FLII: variants seen among roughly 807,000 people sequenced by gnomAD.
The protein encoded by FLII is FLII actin remodeling protein, also known as protein flightless-1 homolog.
In FLII, 101 loss-of-function variants were observed where a neutral mutation model predicts 156.2. That is an observed-to-expected ratio of 0.65 (90% CI 0.55 to 0.76). The LOEUF is 0.76. Ranked by LOEUF, FLII falls within the 30% of genes least tolerant of loss-of-function variation. FLII has a pLI of 0.00. For synonymous variants in FLII, 767 were observed against 685.8 expected, an observed-to-expected ratio of 1.12 and a Z score of -1.85; for missense variants, 1,675 against 1,682.8, an observed-to-expected ratio of 1.00 and a Z score of 0.08.
chr17:18,252,574 G>GACAGGGCCAT lies in FLII; in HGVS notation c.1014-19_1014-18insATGGCCCTGT. The GACAGGGCCAT allele has an allele frequency of 6.2e-7, 1 of 1,606,582 alleles. No individual in the cohort carries two copies. Among genetic ancestry groups the GACAGGGCCAT allele is most frequent in the Non-Finnish European group, 8.5e-7 (1 of 1,173,770 alleles). On this transcript the variant is annotated intron_variant, in intron 9 of 29. Transcript: ENST00000327031. ...TTGGGCACCTGTGAAGACAGGGCCA[G>GACAGGGCCAT]CCAGGGCCTCAGGCAGGTGACAGAC...
chr17:18,251,462 G>A lies in FLII; in HGVS notation c.1399C>T (p.Arg467Trp), dbSNP rs767337540. Residue 467 changes from arginine to tryptophan, a missense_variant, in exon 13 of 30, where the codon CGG becomes TGG. Physicochemically the swap from Arg to Trp is moderately radical, Grantham distance 101 (BLOSUM62 -3). Transcript: ENST00000327031. ...CGCCGCACCTTCCCGCTGGGGGCCC[G>A]GGCATCTGCGCTCTCCTGGGGGCAG... is the stretch of plus-strand genomic sequence containing the variant. Reference protein sequence around the residue: ...NKKQEESADARAPSGKVRRWD... With the variant: ...NKKQEESADAWAPSGKVRRWD... 21 of 1,606,440 alleles carry A rather than the reference G, an allele frequency of 1.3e-5. No homozygotes were observed. Among genetic ancestry groups the A allele is most frequent in the Admixed American group, 5.0e-5 (3 of 59,832 alleles).
In FLII at chr17:18,246,895, G is replaced by A. The variant is rs1428161662; in HGVS notation, c.2816+18C>T. The A allele has an allele frequency of 1.2e-6, 2 of 1,614,038 alleles. No individual in the cohort carries two copies. The highest frequency in any genetic ancestry group is 2.2e-5 in the East Asian group (1 of 44,890). ...GCACCAGGGGAGGGACTTGGGGAAG[G>A]GAGTGCTGAGGTGGTACCTGCAGAG... On this transcript the variant is annotated intron_variant, in intron 22 of 29. Transcript: ENST00000327031.
Position 18,249,155 on chromosome 17 carries a change from G to A in FLII, c.1906C>T (p.Pro636Ser), listed in dbSNP as rs143959528. Residue 636 changes from proline (P) to serine (S), a missense_variant, in exon 16 of 30, where the codon CCC (proline) becomes TCC (serine). Physicochemically the swap from Pro to Ser is moderately conservative, Grantham distance 74 (BLOSUM62 -1). Coordinates refer to ENST00000327031, the MANE Select transcript of FLII (RefSeq NM_002018.4). ...GGGTCCAGAGAGGTCCCCTTGAGGG[G>A]CACAGGCTCCAACTTGATGTTCTTT... is the stretch of plus-strand genomic sequence containing the variant. Reference protein sequence around the residue: ...GKKNIKLEPVPLKGTSLDPRF... With the variant: ...GKKNIKLEPVSLKGTSLDPRF... The A allele has an allele frequency of 1.4e-5, 23 of 1,614,110 alleles. No individual in the cohort carries two copies. Among genetic ancestry groups the A allele is most frequent in the East Asian group, 6.7e-5 (3 of 44,880 alleles).
chr17:18,254,704 C>T, intron 5 of FLII, 22 bp from the exon 6 acceptor site: 1 of 1,613,656 alleles, frequency 6.2e-7, no homozygotes, highest in Non-Finnish European at 8.5e-7. Context: ...GAGCAGGAGC[C>T]ACCTGAGTCA....
Position 18,255,051 on chromosome 17 carries a change from G to A in FLII, c.327+132C>T, listed in dbSNP as rs1056679114. Reference sequence around the variant, plus strand: ...TGACTCCAAAAGTGACCTCAGGCAAGGTATTATCCACTCCAAGACTCAGTT... The same window carrying A: ...TGACTCCAAAAGTGACCTCAGGCAAAGTATTATCCACTCCAAGACTCAGTT... On this transcript the variant is annotated intron_variant, in intron 4 of 29. Transcript: ENST00000327031. 4 of 922,664 alleles carry A rather than the reference G, an allele frequency of 4.3e-6. No individual in the cohort carries two copies. The Admixed American group carries it at 6.8e-5, about 16-fold the overall frequency. 57.2% of individuals were successfully genotyped at this position (922,664 alleles called of 1,614,324 possible). A position where few individuals can be genotyped will look rare whatever the true frequency, so the allele number is the denominator to read the frequency against.
At chr17:18,247,580 G>T (rs1032531605) in intron 20 of FLII, 77 bp downstream of exon 20, 11 of 1,332,580 alleles carry the variant, frequency 8.3e-6, no homozygotes, top group Non-Finnish European at 1.1e-5. Context: ...CTGTAGGGAG[G>T]TAGTGAAGCC....
rs766743924 is a variant in FLII at position 18,246,551 on chromosome 17, AC to A, written c.3051+42del. The stretch of plus-strand genomic sequence containing the variant: ...CTTCGCTGGGTCTGAGCCCCACCAC[AC>A]CCCTCCGCCTGGCCTCGGGCTCGCG... On this transcript the variant is annotated intron_variant, in intron 23 of 29. Coordinates refer to ENST00000327031, the MANE Select transcript of FLII (RefSeq NM_002018.4). 3.1e-6 allele frequency: 5 copies of A among 1,611,156 alleles called. No individual in the cohort carries two copies. In the South Asian group the frequency reaches 5.5e-5, roughly 18 times the overall value.
Position 18,248,603 on chromosome 17 carries a change from T to C in FLII, c.2137A>G (p.Ile713Val), listed in dbSNP as rs1353546609. ...AAGTCTTCAGGCACGTGCTTCTTGA[T>C]CTCAGAGGGCTCCCCACCCAGTGCC... is the stretch of plus-strand genomic sequence containing the variant. ...WEALGGEPSE[I>V]KKHVPEDFWP... Residue 713 changes from isoleucine to valine, a missense_variant, in exon 18 of 30, where the codon ATC becomes GTC. Coordinates refer to ENST00000327031, the MANE Select transcript of FLII (RefSeq NM_002018.4). 3 of 1,613,628 alleles carry C rather than the reference T, an allele frequency of 1.9e-6. No individual in the cohort carries two copies. Among genetic ancestry groups the C allele is most frequent in the South Asian group, 1.1e-5 (1 of 91,064 alleles).
rs777141885 is a variant in FLII, at chr17:18,245,378, G to C, written c.3651C>G (p.Ile1217Met). ...WVGTQTSQVE[I>M]KLSLKACQVY... is the part of the protein sequence containing the mutation. ...CCTGGCAGGCCTTCAGGCTCAGCTTGATCTCCACCTGGCTAGTCTGGGTCC... is the reference window on the plus strand; with the variant it reads ...CCTGGCAGGCCTTCAGGCTCAGCTTCATCTCCACCTGGCTAGTCTGGGTCC... Residue 1217 changes from isoleucine to methionine, a missense_variant, in exon 29 of 30, where the codon ATC (isoleucine) becomes ATG (methionine). Transcript: ENST00000327031. The C allele has an allele frequency of 1.2e-6, 2 of 1,614,194 alleles. No homozygotes were observed. Among genetic ancestry groups the C allele is most frequent in the Non-Finnish European group, 1.7e-6 (2 of 1,180,038 alleles).
chr17:18,250,484 AGGTTTTGGCCCT>A (rs2048225698), intron 14 of FLII, among the ~76,000 whole-genome samples: 1 of 152,014 alleles, frequency 6.6e-6, no homozygotes. Flanking sequence ...TCCTAATAAC[AGGTTTTGGCCCT>A]GCCTTCTCAC....
Position 18,246,336 on chromosome 17 carries a change from G to A in FLII, c.3178C>T (p.Arg1060Cys), listed in dbSNP as rs375498127. 2.0e-5 allele frequency: 33 copies of A among 1,613,688 alleles called. No homozygotes were observed. The highest frequency in any genetic ancestry group is 5.0e-5 in the Admixed American group (3 of 60,014). The change falls in exon 24 of 30, where the codon CGC becomes TGC. Residue 1060 changes from arginine to cysteine, a missense_variant. Around this residue, in one of 2 missense-constraint regions of FLII, gnomAD observed 1,332 missense variants for 1,269.3 expected, o/e 1.05. Transcript: ENST00000327031. ...GTGCAGAGGGCGCTGCCGTTGGTGCGGATCTGGTAGAGGCTGGGCTGTTGG... is the reference window on the plus strand; with the variant it reads ...GTGCAGAGGGCGCTGCCGTTGGTGCAGATCTGGTAGAGGCTGGGCTGTTGG... ...GAQQPSLYQI[R>C]TNGSALCTRC...
In FLII at chr17:18,245,288, C is replaced by A; in HGVS notation, c.3676-16G>T. 1 of 1,612,232 alleles carries A rather than the reference C, an allele frequency of 6.2e-7. No individual in the cohort carries two copies. Among genetic ancestry groups the A allele is most frequent in the Non-Finnish European group, 8.5e-7 (1 of 1,178,484 alleles). ...GGATATATACCTGGCAAGGGGACAG[C>A]GAGCCTTGGGTGATGACCCTGCCCT... On this transcript the variant is annotated splice_polypyrimidine_tract_variant and intron_variant, in intron 29 of 29. Coordinates refer to ENST00000327031, the MANE Select transcript of FLII (RefSeq NM_002018.4).
rs749586303 is a variant in FLII, at chr17:18,254,697, C to G, written c.414-15G>C. The G allele has an allele frequency of 3.7e-6, 6 of 1,613,600 alleles. No homozygotes were observed. Among genetic ancestry groups the G allele is most frequent in the Non-Finnish European group, 4.2e-6 (5 of 1,179,694 alleles). On this transcript the variant is annotated splice_polypyrimidine_tract_variant and intron_variant, in intron 5 of 29. Coordinates refer to ENST00000327031, the MANE Select transcript of FLII (RefSeq NM_002018.4). ...TGGTGTCGATGCTACGGGTGGGGAG[C>G]AGGAGCCACCTGAGTCAGCACCAGC... is the stretch of plus-strand genomic sequence containing the variant.
chr17:18,258,331 C>G lies in FLII; in HGVS notation c.63+297G>C. The G allele has an allele frequency of 1.6e-6, 1 of 623,850 alleles. No individual in the cohort carries two copies. 38.6% of individuals were successfully genotyped at this position (623,850 alleles called of 1,614,324 possible). ...GGAGGCTCGCCCGATCCCCAGGCCA[C>G]CATCCAGCCTAGACCGAGAACACGG... On this transcript the variant is annotated intron_variant, in intron 1 of 29. Transcript: ENST00000327031. The surrounding 1 kb of genome is among the most constrained non-coding windows in gnomAD (Gnocchi z 4.2).
intron 24 of FLII, 36 bp downstream of exon 24, chr17:18,246,272 G>C: frequency 6.2e-7 from 1 of 1,614,100 alleles, no homozygotes; most frequent in Non-Finnish European, 8.5e-7. Context: ...GCTCCCTGAC[G>C]CTTGCTCGCC....
At chr17:18,257,226 G>A (rs969992404) in intron 1 of FLII, 2 of 542,106 alleles carry the variant, frequency 3.7e-6, no homozygotes, top group Non-Finnish European at 6.5e-6. Context: ...GTTGGCCTAA[G>A]ATTTGTCTCT....
rs546354452 is a variant in FLII, at chr17:18,246,748, T to C, written c.2897A>G (p.Glu966Gly). Residue 966 changes from glutamate (E) to glycine (G), a missense_variant, in exon 23 of 30, where the codon GAA becomes GGA. By Grantham distance (98) the Glu-to-Gly change is moderately conservative. Coordinates refer to ENST00000327031, the MANE Select transcript of FLII (RefSeq NM_002018.4). ...CTTCTCCTCTGCCTCAGCGGTTGCT[T>C]CCTCGCCTTCTTTGCCCTCGGCCTT... is the stretch of plus-strand genomic sequence containing the variant. ...EEKAEGKEGE[E>G]ATAEAEEKQP... 36 of 1,613,812 alleles carry C rather than the reference T, an allele frequency of 2.2e-5. No individual in the cohort carries two copies. Among genetic ancestry groups the C allele is most frequent in the Admixed American group, 1.3e-4 (8 of 59,962 alleles).
Position 18,252,082 on chromosome 17 carries a change from T to C in FLII, c.1163A>G (p.Glu388Gly). 6.2e-7 allele frequency: 1 copy of C among 1,613,414 alleles called. No homozygotes were observed. Among genetic ancestry groups the C allele is most frequent in the Non-Finnish European group, 8.5e-7 (1 of 1,180,040 alleles). ...CAGCGAGAAGTCGATGTTGTACCACTCAGCGGCACGGTCTGCGGGCTTGGG... is the reference window on the plus strand; with the variant it reads ...CAGCGAGAAGTCGATGTTGTACCACCCAGCGGCACGGTCTGCGGGCTTGGG... ...MPPKPADRAA[E>G]WYNIDFSLQN... The change falls in exon 11 of 30, where the codon GAG becomes GGG. Residue 388 changes from glutamate (E) to glycine (G), a missense_variant. Physicochemically the swap from Glu to Gly is moderately conservative, Grantham distance 98. Coordinates refer to ENST00000327031, the MANE Select transcript of FLII (RefSeq NM_002018.4).
intron 23 of FLII, 56 bp downstream of exon 23, chr17:18,246,538 T>C: frequency 6.2e-7 from 1 of 1,612,194 alleles, no homozygotes; most frequent in Non-Finnish European, 8.5e-7. Flanking sequence ...TCGCTGGGTC[T>C]GAGCCCCACC....
Sources: gnomAD v4.1 joint callset for allele counts (sites outside exome capture counted in the v4.1 genomes callset) on GRCh38, gnomAD v4.1.1 for gene constraint, gnomAD v4.1.1 regional missense constraint, Gnocchi (gnomAD v3.1) non-coding constraint, MANE v1.5 for transcripts, NCBI Gene and HGNC (gene_info 2026-07-23, HGNC 2026-07-21) for gene names.